Variants in TSHZ2 observed in about 807,000 individuals in gnomAD.
The protein encoded by TSHZ2 is teashirt homolog 2.
TSHZ2 carries 21 observed loss-of-function variants against 74.4 expected under a neutral mutation model. The ratio of observed to expected loss-of-function variants is 0.28; its 90% CI spans 0.20 to 0.41. The LOEUF (loss-of-function observed/expected upper bound fraction) is 0.41. Ranked by LOEUF, TSHZ2 falls within the 10% of genes least tolerant of loss-of-function variation. The probability of loss-of-function intolerance (pLI) is 1.00; values close to 1 mark genes in which losing one functional copy is unlikely to be tolerated. For missense variants in TSHZ2, 1,244 were observed against 1,293.5 expected, an observed-to-expected ratio of 0.96 and a Z score of 0.59; for synonymous variants, 540 against 515.3, an observed-to-expected ratio of 1.05 and a Z score of -0.65.
At chr20:53,456,407 TG>T (rs1308463064) in intron 2 of TSHZ2, among the ~76,000 whole-genome samples, 1 of 147,532 alleles carries the variant, frequency 6.8e-6, no homozygotes, top group Non-Finnish European at 1.5e-5. Flanking sequence ...TTGATGGGGT[TG>T]TTTTTTTCTT....
intron 2 of TSHZ2, among the ~76,000 whole-genome samples, chr20:53,282,041 T>TATCC: frequency 6.6e-6 from 1 of 152,286 alleles, no homozygotes; most frequent in East Asian, 1.9e-4. Flanking sequence ...AAGGATATAG[T>TATCC]ATCCAAAATC....
intron 1 of TSHZ2, among the ~76,000 whole-genome samples, chr20:53,251,311 A>G (rs990627500): frequency 1.3e-5 from 2 of 152,196 alleles, no homozygotes; most frequent in East Asian, 3.9e-4. Context: ...TCTCTGATGT[A>G]TGTTACTTGG....
At chr20:53,151,819 A>G (rs1413681134) in intron 1 of TSHZ2, among the ~76,000 whole-genome samples, 1 of 152,242 alleles carries the variant, frequency 6.6e-6, no homozygotes, top group Non-Finnish European at 1.5e-5. Flanking sequence ...TAATTGATAC[A>G]TATGGATACC....
intron 2 of TSHZ2, among the ~76,000 whole-genome samples, chr20:53,305,456 G>T (rs1432669688): frequency 1.3e-5 from 2 of 152,062 alleles, no homozygotes; most frequent in Non-Finnish European, 2.9e-5. Context: ...AGGCAGAGAA[G>T]TGCCTGCACT....
In TSHZ2 at chr20:53,190,588, A is replaced by G. The variant is rs552167168; in HGVS notation, c.41-62911A>G. On this transcript the variant is annotated intron_variant, in intron 1 of 2. Transcript: ENST00000371497. Reference sequence around the variant, plus strand: ...AAAGATGTGCTGTATTTCCAGCACTATTCAGTATTCATGAGGCTTCGCAGC... The same window carrying G: ...AAAGATGTGCTGTATTTCCAGCACTGTTCAGTATTCATGAGGCTTCGCAGC... 3.6e-4 allele frequency among the ~76,000 whole-genome samples: 55 copies of G among 152,352 alleles called. No homozygotes were observed. The South Asian group carries it at 0.01, about 28-fold the overall frequency.
At chr20:53,423,937 C>A (rs1177686447) in intron 2 of TSHZ2, among the ~76,000 whole-genome samples, 2 of 152,212 alleles carry the variant, frequency 1.3e-5, no homozygotes, top group African/African-American at 2.4e-5. Flanking sequence ...AGACTAGAGT[C>A]CAGGGATGCA....
At chr20:53,191,515 T>C (rs999118994) in intron 1 of TSHZ2, among the ~76,000 whole-genome samples, 34 of 152,168 alleles carry the variant, frequency 2.2e-4, no homozygotes, top group African/African-American at 7.7e-4. Flanking sequence ...TTACAAACAT[T>C]AGCTGGGTGT....
intron 2 of TSHZ2, among the ~76,000 whole-genome samples, chr20:53,339,745 C>T (rs6013663): frequency 0.011 from 1,729 of 152,324 alleles, 26 homozygotes; most frequent in African/African-American, 0.039. Flanking sequence ...CAATCCTCCC[C>T]TCCTGCACTG....
intron 2 of TSHZ2, among the ~76,000 whole-genome samples, chr20:53,381,042 T>C (rs1315074052): frequency 6.6e-6 from 1 of 152,242 alleles, no homozygotes; most frequent in Non-Finnish European, 1.5e-5. Flanking sequence ...TTTGTAGCTC[T>C]GTGATTTTGT....
At chr20:53,258,659 T>G (rs1990536739) in intron 2 of TSHZ2, among the ~76,000 whole-genome samples, 1 of 152,134 alleles carries the variant, frequency 6.6e-6, no homozygotes, top group Non-Finnish European at 1.5e-5. Context: ...AACCAATAAT[T>G]TGGAAAAACA....
intron 2 of TSHZ2, among the ~76,000 whole-genome samples, chr20:53,296,983 A>G (rs1170059533): frequency 6.6e-6 from 1 of 152,192 alleles, no homozygotes; most frequent in East Asian, 1.9e-4. Flanking sequence ...CAATCCATTT[A>G]CCCCAGACAA....
chr20:53,048,744 GA>G (rs1334305627), intron 1 of TSHZ2, among the ~76,000 whole-genome samples: 2 of 152,146 alleles, frequency 1.3e-5, no homozygotes, highest in African/African-American at 2.4e-5. Flanking sequence ...ACTCAGTGCA[GA>G]AAAGCTTTTC....
intron 1 of TSHZ2, among the ~76,000 whole-genome samples, chr20:53,172,036 G>T (rs576059141): frequency 6.6e-6 from 1 of 152,268 alleles, no homozygotes; most frequent in Non-Finnish European, 1.5e-5. Flanking sequence ...GAAAAAAAAT[G>T]ATTGTTGTAT....
intron 1 of TSHZ2, among the ~76,000 whole-genome samples, chr20:52,976,674 G>A (rs182320378): frequency 9.7e-4 from 147 of 152,282 alleles, no homozygotes; most frequent in Non-Finnish European, 1.5e-3. Flanking sequence ...GCCTCTGTGC[G>A]CGCACATAAA....
intron 1 of TSHZ2, among the ~76,000 whole-genome samples, chr20:53,188,181 C>T (rs1454771744): frequency 2.6e-5 from 4 of 152,092 alleles, no homozygotes; most frequent in East Asian, 1.9e-4. Context: ...CTTTGCATGG[C>T]GGCAATGACT....
chr20:53,195,472 C>G (rs139867263), intron 1 of TSHZ2, among the ~76,000 whole-genome samples: 66 of 152,262 alleles, frequency 4.3e-4, no homozygotes, highest in Non-Finnish European at 5.0e-4. Context: ...ATCATCTAAA[C>G]TGTGTTTTCA....
In TSHZ2 at chr20:53,481,830, G is replaced by A. The variant is rs182665345; in HGVS notation, c.*9-5314G>A. ...AACTATACTCAGATAATGGCCGGGTGCAGTGGCTTACGCCTGTACTCCCAG... is the reference window on the plus strand; with the variant it reads ...AACTATACTCAGATAATGGCCGGGTACAGTGGCTTACGCCTGTACTCCCAG... On this transcript the variant is annotated intron_variant, in intron 2 of 2. Transcript: ENST00000371497. Among the ~76,000 whole-genome samples the A allele has an allele frequency of 7.5e-4, 114 of 152,178 alleles. 1 individual carries two copies. Among genetic ancestry groups the A allele is most frequent in the Non-Finnish European group, 1.5e-4 (10 of 68,002 alleles).
intron 1 of TSHZ2, among the ~76,000 whole-genome samples, chr20:53,105,348 T>G (rs138805118): frequency 6.6e-6 from 1 of 152,228 alleles, no homozygotes; most frequent in East Asian, 1.9e-4. Flanking sequence ...GTCCTGTGAT[T>G]GTAGAATGTT....
intron 2 of TSHZ2, among the ~76,000 whole-genome samples, chr20:53,365,458 TG>T (rs1017047432): frequency 2.0e-5 from 3 of 152,162 alleles, no homozygotes; most frequent in African/African-American, 4.8e-5. Context: ...TATTTGGGGA[TG>T]GGGGAGGTCA....
Sources: allele counts gnomAD v4.1 joint callset (sites outside exome capture counted in the v4.1 genomes callset), GRCh38; gene constraint gnomAD v4.1.1; transcripts MANE v1.5; gene names NCBI Gene and HGNC (gene_info 2026-07-23, HGNC 2026-07-21).